MAGI1: variants seen among roughly 807,000 people sequenced by gnomAD.
MAGI1 encodes membrane-associated guanylate kinase, WW and PDZ domain-containing protein 1.
MAGI1 carries 58 observed loss-of-function variants against 139.9 expected under a neutral mutation model. That is an observed-to-expected ratio of 0.41 (90% CI 0.34 to 0.52). The LOEUF is 0.52. Ranked by LOEUF, MAGI1 falls within the 20% of genes least tolerant of loss-of-function variation. MAGI1 has a pLI of 0.12. For synonymous variants in MAGI1, 812 were observed against 737.9 expected (o/e 1.10, Z -1.63); for missense variants, 1,874 against 1,901.6 (o/e 0.99, Z 0.27).
chr3:65,442,687 G>T, intron 8 of MAGI1, 105 bp downstream of exon 8: 3 of 685,954 alleles, frequency 4.4e-6, no homozygotes, highest in Non-Finnish European at 5.0e-6. Flanking sequence ...AATTAATATT[G>T]TTAATTGGTT....
intron 2 of MAGI1, among the ~76,000 whole-genome samples, chr3:65,568,324 T>C (rs1435667435): frequency 6.6e-6 from 1 of 152,176 alleles, no homozygotes; most frequent in Non-Finnish European, 1.5e-5. Flanking sequence ...TTTTTCTTTT[T>C]GGTTGTGCAC....
chr3:65,594,497 C>G (rs1189157488), intron 2 of MAGI1, among the ~76,000 whole-genome samples: 2 of 152,144 alleles, frequency 1.3e-5, no homozygotes, highest in East Asian at 3.9e-4. Flanking sequence ...AACAGCTGGC[C>G]TACTATCAGA....
In MAGI1 at chr3:65,430,260, G is replaced by A. The variant is rs533065300; in HGVS notation, c.1547-120C>T. On this transcript the variant is annotated intron_variant, in intron 11 of 22. Coordinates refer to ENST00000402939, the MANE Select transcript of MAGI1 (RefSeq NM_001033057.2). ...AACTGCATGTGGGTGTGATACTATA[G>A]GGTATAAAGTGCTTCTATTACTGAT... is the stretch of plus-strand genomic sequence containing the variant. 5 of 984,776 alleles carry A rather than the reference G, an allele frequency of 5.1e-6. No homozygotes were observed. The Admixed American group carries it at 7.3e-5, about 14-fold the overall frequency. The allele number at this position is 984,776 out of a possible 1,614,324, so 61.0% of individuals were successfully genotyped here.
intron 2 of MAGI1, among the ~76,000 whole-genome samples, chr3:65,505,487 T>G (rs1481610871): frequency 2.0e-5 from 3 of 151,664 alleles, no homozygotes; most frequent in African/African-American, 7.3e-5. Context: ...CTAAAAAAAT[T>G]TTTTTAAATT....
At chr3:65,361,033 T>C (rs1940803721) in intron 22 of MAGI1, 166 bp downstream of exon 22, 2 of 1,499,470 alleles carry the variant, frequency 1.3e-6, no homozygotes, top group Non-Finnish European at 1.8e-6. Flanking sequence ...AAGGATGAAA[T>C]GTGTAGAGAT....
intron 2 of MAGI1, among the ~76,000 whole-genome samples, chr3:65,592,996 G>T (rs118013776): frequency 6.6e-6 from 1 of 152,054 alleles, no homozygotes; most frequent in Non-Finnish European, 1.5e-5. Flanking sequence ...CCTAACAAGC[G>T]CCTACCACAT....
chr3:65,779,984 G>C (rs766373080), intron 1 of MAGI1, among the ~76,000 whole-genome samples: 2 of 149,650 alleles, frequency 1.3e-5, no homozygotes, highest in Non-Finnish European at 3.0e-5. Context: ...CTTGAAAAGG[G>C]GGTGGTCCTG....
At chr3:65,812,039 G>C (rs1298495850) in intron 1 of MAGI1, among the ~76,000 whole-genome samples, 1 of 152,184 alleles carries the variant, frequency 6.6e-6, no homozygotes, top group African/African-American at 2.4e-5. Context: ...CTCGGCGGGA[G>C]AGGAGGTAAT....
rs75134194 is a variant in MAGI1, at chr3:65,636,371, C to G, written c.314-14283G>C. Among the ~76,000 whole-genome samples the G allele has an allele frequency of 9.8e-3, 1,487 of 152,206 alleles. 24 individuals are homozygous for G. Among genetic ancestry groups the G allele is most frequent in the African/African-American group, 0.033 (1,380 of 41,524 alleles). On this transcript the variant is annotated intron_variant, in intron 1 of 22. Coordinates refer to ENST00000402939, the MANE Select transcript of MAGI1 (RefSeq NM_001033057.2). Reference sequence around the variant, plus strand: ...TCAGATATTTCTAATCTCCATAATTCCATAAACGATTATAATTTGCACACT... The same window carrying G: ...TCAGATATTTCTAATCTCCATAATTGCATAAACGATTATAATTTGCACACT...
At chr3:65,667,804 T>C (rs888903357) in intron 1 of MAGI1, among the ~76,000 whole-genome samples, 3 of 152,046 alleles carry the variant, frequency 2.0e-5, no homozygotes, top group Non-Finnish European at 4.4e-5. Flanking sequence ...GCACAAGTAA[T>C]CCACCCACCT....
chr3:65,636,863 A>G (rs1045569509), intron 1 of MAGI1, among the ~76,000 whole-genome samples: 4 of 152,224 alleles, frequency 2.6e-5, no homozygotes, highest in African/African-American at 9.6e-5. Flanking sequence ...AAAGACCTCA[A>G]TGAATTCCAA....
At chr3:65,804,835 G>A (rs1466609068) in intron 1 of MAGI1, among the ~76,000 whole-genome samples, 1 of 152,158 alleles carries the variant, frequency 6.6e-6, no homozygotes, top group East Asian at 1.9e-4. Context: ...AATCAATGGA[G>A]AATGGATTCC....
chr3:65,826,284 T>C (rs1175942929), intron 1 of MAGI1, among the ~76,000 whole-genome samples: 1 of 152,206 alleles, frequency 6.6e-6, no homozygotes, highest in African/African-American at 2.4e-5. Flanking sequence ...TACTAAAACT[T>C]AAATAAAAAG....
At chr3:65,935,131 C>T (rs896596391) in intron 1 of MAGI1, among the ~76,000 whole-genome samples, 3 of 152,066 alleles carry the variant, frequency 2.0e-5, no homozygotes, top group African/African-American at 7.2e-5. Flanking sequence ...TAGTAAATGA[C>T]ATTGAAGCTA....
rs774132452 is a variant in MAGI1 at position 65,379,175 on chromosome 3, A to G, written c.2995+86T>C. The G allele has an allele frequency of 6.9e-6, 11 of 1,594,850 alleles. No homozygotes were observed. In the Admixed American group the frequency reaches 1.9e-4, roughly 28 times the overall value. ...AAGCTATAAAGCATTTCTGCACGTG[A>G]GGTCTGAGTCAGCTTTCACTCGCAA... On this transcript the variant is annotated intron_variant, in intron 17 of 22. Transcript: ENST00000402939.
chr3:65,845,752 C>G (rs114218952), intron 1 of MAGI1, among the ~76,000 whole-genome samples: 1 of 152,192 alleles, frequency 6.6e-6, no homozygotes, highest in Non-Finnish European at 1.5e-5. Flanking sequence ...TCTGTTCCAG[C>G]CACACCTGTC....
In MAGI1 at chr3:65,843,966, T is replaced by G. The variant is rs565446395; in HGVS notation, c.313+194030A>C. 1.4e-3 allele frequency: 300 copies of G among 212,558 alleles called. 4 individuals are homozygous for G. The South Asian group carries it at 0.019, about 13-fold the overall frequency. 13.2% of individuals were successfully genotyped at this position (212,558 alleles called of 1,614,324 possible). On this transcript the variant is annotated intron_variant, in intron 1 of 22. Coordinates refer to ENST00000402939, the MANE Select transcript of MAGI1 (RefSeq NM_001033057.2). Reference sequence around the variant, plus strand: ...GACAGGTTAAAATTTTCATTTTCACTGCAAGAACACCTGTGGAACCACCCA... The same window carrying G: ...GACAGGTTAAAATTTTCATTTTCACGGCAAGAACACCTGTGGAACCACCCA...
At chr3:65,479,467 T>A (rs12629613) in intron 3 of MAGI1, among the ~76,000 whole-genome samples, 47,718 of 152,032 alleles carry the variant, frequency 0.31, 9,128 homozygotes, top group East Asian at 0.73. Context: ...TTGATTTAGG[T>A]CCCACTATAG....
chr3:65,414,051 G>C (rs1008663367), intron 12 of MAGI1, among the ~76,000 whole-genome samples: 10 of 152,166 alleles, frequency 6.6e-5, no homozygotes, highest in African/African-American at 2.4e-4. Context: ...TTTCTCTCTT[G>C]TCTGATTCTG....
Sources: gnomAD v4.1 joint callset for allele counts (sites outside exome capture counted in the v4.1 genomes callset) on GRCh38, gnomAD v4.1.1 for gene constraint, MANE v1.5 for transcripts, NCBI Gene and HGNC (gene_info 2026-07-23, HGNC 2026-07-21) for gene names.